BMPR1B: variants seen among roughly 807,000 people sequenced by gnomAD.
The protein encoded by BMPR1B is bone morphogenetic protein receptor type-1B.
Under a neutral mutation model 59.1 loss-of-function variants are expected in BMPR1B, and 12 were observed. The observed-to-expected ratio is 0.20, with a 90% CI of 0.13 to 0.33. BMPR1B has a LOEUF of 0.33. Ranked by LOEUF, BMPR1B falls within the 10% of genes least tolerant of loss-of-function variation. The pLI, the probability that BMPR1B is intolerant of heterozygous loss-of-function variation, is 1.00. For missense variants in BMPR1B, 550 were observed against 610.9 expected (o/e 0.90, Z 1.05); for synonymous variants, 237 against 207.3 (o/e 1.14, Z -1.23).
At position 95,157,376 on chromosome 4, in the gene BMPR1B, T is replaced by C. The variant is rs990712874; in HGVS notation, c.*2703T>C. 1.3e-5 allele frequency: 2 copies of C among 152,108 alleles called. No individual in the cohort carries two copies. The highest frequency in any genetic ancestry group is 2.9e-5 in the Non-Finnish European group (2 of 67,974). 9.4% of individuals were successfully genotyped at this position (152,108 alleles called of 1,614,324 possible). The stretch of plus-strand genomic sequence containing the variant: ...TTCTTAAAGACTACTCATTTCCCAA[T>C]AATCCTTTATGATTTCAAAATTTCT... On this transcript the variant is annotated 3_prime_UTR_variant, in exon 13 of 13. Coordinates refer to ENST00000515059, the MANE Select transcript of BMPR1B (RefSeq NM_001203.3).
intron 3 of BMPR1B, among the ~76,000 whole-genome samples, chr4:95,010,221 A>G (rs1011809031): frequency 6.6e-6 from 1 of 152,146 alleles, no homozygotes; most frequent in African/African-American, 2.4e-5. Context: ...GACCCCCCAA[A>G]TTAATCACAT....
chr4:94,777,859 C>T (rs952261382), intron 1 of BMPR1B, among the ~76,000 whole-genome samples: 9 of 152,086 alleles, frequency 5.9e-5, no homozygotes, highest in African/African-American at 2.2e-4. Flanking sequence ...AACCCTGTCT[C>T]TACTAAAAAT....
At chr4:95,111,753 C>G (rs1403189176) in intron 4 of BMPR1B, among the ~76,000 whole-genome samples, 1 of 152,014 alleles carries the variant, frequency 6.6e-6, no homozygotes, top group Non-Finnish European at 1.5e-5. Flanking sequence ...TCTAGATGTT[C>G]CTTCTAGACA....
chr4:95,148,846 T>G lies in BMPR1B; in HGVS notation c.1175T>G (p.Phe392Cys). 1 of 1,614,056 alleles carries G rather than the reference T, an allele frequency of 6.2e-7. No homozygotes were observed. Among genetic ancestry groups the G allele is most frequent in the Non-Finnish European group, 8.5e-7 (1 of 1,179,950 alleles). Reference sequence around the variant, plus strand: ...GACGAGAGCTTGAACAGAAATCACTTCCAGTCTTACATCATGGCTGACATG... The same window carrying G: ...GACGAGAGCTTGAACAGAAATCACTGCCAGTCTTACATCATGGCTGACATG... ...VLDESLNRNH[F>C]QSYIMADMYS... is the part of the protein sequence containing the mutation. The change falls in exon 11 of 13, where the codon TTC (phenylalanine) becomes TGC (cysteine). Residue 392 changes from phenylalanine to cysteine, a missense_variant. Around this residue, in one of 6 missense-constraint regions of BMPR1B, gnomAD observed 123 missense variants for 164.6 expected, o/e 0.75. Transcript: ENST00000515059.
chr4:94,803,740 G>C (rs1030781731), intron 1 of BMPR1B, among the ~76,000 whole-genome samples: 1 of 151,990 alleles, frequency 6.6e-6, no homozygotes, highest in Non-Finnish European at 1.5e-5. Flanking sequence ...GTCAGAAGTT[G>C]AATATTTCTT....
intron 8 of BMPR1B, among the ~76,000 whole-genome samples, chr4:95,128,357 T>C (rs1359363064): frequency 1.3e-5 from 2 of 152,346 alleles, no homozygotes; most frequent in African/African-American, 4.8e-5. Flanking sequence ...CTACAAAGAA[T>C]ACGTTCCAGT....
intron 2 of BMPR1B, among the ~76,000 whole-genome samples, chr4:94,930,105 C>T (rs1376422620): frequency 6.6e-6 from 1 of 152,098 alleles, no homozygotes; most frequent in Non-Finnish European, 1.5e-5. Flanking sequence ...ACCGGAATCA[C>T]CACAACTATC....
rs148853533 is a variant in BMPR1B at position 94,758,734 on chromosome 4, G to A, written c.-183+666G>A. On this transcript the variant is annotated intron_variant, in intron 1 of 12. Transcript: ENST00000515059. ...TCTATGCCTCTCTCTCAAGTTCTGG[G>A]TCTTTCATTCTCTCCCTTTTCTTCC... Among the ~76,000 whole-genome samples, 171 of 152,098 alleles carry A rather than the reference G, an allele frequency of 1.1e-3. 1 individual carries two copies. Among genetic ancestry groups the A allele is most frequent in the African/African-American group, 3.6e-3 (150 of 41,498 alleles).
intron 2 of BMPR1B, among the ~76,000 whole-genome samples, chr4:94,987,297 C>T: frequency 6.9e-6 from 1 of 144,718 alleles, no homozygotes; most frequent in Non-Finnish European, 1.5e-5. Context: ...TAATGATATT[C>T]CTGAGCTTTG....
At chr4:94,864,088 A>G (rs897138216) in intron 1 of BMPR1B, among the ~76,000 whole-genome samples, 1 of 152,234 alleles carries the variant, frequency 6.6e-6, no homozygotes, top group Admixed American at 6.5e-5. Flanking sequence ...ATAAAACAAA[A>G]GAAAACAAAA....
chr4:95,093,872 G>T (rs1730180708), intron 3 of BMPR1B, among the ~76,000 whole-genome samples: 1 of 152,052 alleles, frequency 6.6e-6, no homozygotes, highest in Non-Finnish European at 1.5e-5. Context: ...CTACTCATTA[G>T]TGTTGACCAT....
chr4:95,019,283 A>G (rs960836987), intron 3 of BMPR1B, among the ~76,000 whole-genome samples: 2 of 152,172 alleles, frequency 1.3e-5, no homozygotes, highest in African/African-American at 4.8e-5. Flanking sequence ...TTTTGTTTAA[A>G]TAGGGGCATT....
chr4:95,127,575 T>C (rs947976079), intron 8 of BMPR1B, among the ~76,000 whole-genome samples: 3 of 152,158 alleles, frequency 2.0e-5, no homozygotes, highest in African/African-American at 7.2e-5. Flanking sequence ...TTAATAAATG[T>C]GGGAAGTTTC....
chr4:95,004,346 G>A (rs1017812186), intron 3 of BMPR1B, among the ~76,000 whole-genome samples: 2 of 152,038 alleles, frequency 1.3e-5, no homozygotes, highest in African/African-American at 2.4e-5. Context: ...CAATTCTGCT[G>A]TACTTCATTT....
chr4:95,012,881 A>G (rs181920812), intron 3 of BMPR1B, among the ~76,000 whole-genome samples: 1 of 152,304 alleles, frequency 6.6e-6, no homozygotes, highest in Admixed American at 6.5e-5. Flanking sequence ...ATTTCTTCAT[A>G]ATTAACACAG....
At position 95,154,622 on chromosome 4, in the gene BMPR1B, G is replaced by A; in HGVS notation, c.1458G>A (p.Arg486=). The A allele has an allele frequency of 3.7e-6, 6 of 1,614,056 alleles. No homozygotes were observed. The highest frequency in any genetic ancestry group is 5.1e-6 in the Non-Finnish European group (6 of 1,179,980). ...HNPASRLTAL[R]VKKTLAKMSE... is the part of the protein sequence containing the mutation. ...CTGCATCAAGGCTGACAGCCCTGCG[G>A]GTTAAGAAAACACTTGCCAAAATGT... Residue 486 remains arginine (R), a synonymous_variant, in exon 13 of 13, where the codon CGG becomes CGA. Transcript: ENST00000515059.
At chr4:94,835,100 T>C (rs1724754930) in intron 1 of BMPR1B, among the ~76,000 whole-genome samples, 1 of 152,122 alleles carries the variant, frequency 6.6e-6, no homozygotes, top group Non-Finnish European at 1.5e-5. Context: ...TTTGGTTGTA[T>C]AGAAAGGTGT....
intron 11 of BMPR1B, among the ~76,000 whole-genome samples, chr4:95,151,291 C>G (rs1394859718): frequency 6.6e-6 from 1 of 152,174 alleles, no homozygotes; most frequent in East Asian, 1.9e-4. Flanking sequence ...CTGCCTTCGT[C>G]TGTTGTAGTA....
chr4:94,989,362 C>CT (rs1263787710), intron 2 of BMPR1B, among the ~76,000 whole-genome samples: 1 of 147,814 alleles, frequency 6.8e-6, no homozygotes, highest in Non-Finnish European at 1.5e-5. Context: ...GCACTCCAGC[C>CT]TGGTGACAGA....
Sources: gnomAD v4.1 joint callset for allele counts (sites outside exome capture counted in the v4.1 genomes callset) on GRCh38, gnomAD v4.1.1 for gene constraint, gnomAD v4.1.1 regional missense constraint, MANE v1.5 for transcripts, NCBI Gene and HGNC (gene_info 2026-07-23, HGNC 2026-07-21) for gene names.